Variants in MBOAT1 observed in about 807,000 individuals in gnomAD.
MBOAT1 encodes the protein membrane-bound glycerophospholipid O-acyltransferase 1.
A neutral mutation model predicts 64.4 loss-of-function variants in MBOAT1; 67 were observed. The observed-to-expected ratio is 1.04, with a 90% confidence interval of 0.85 to 1.27. MBOAT1 has a LOEUF of 1.27. Among genes scored for constraint, MBOAT1 ranks in the 50% most tolerant of loss-of-function variants. The pLI is 0.00. For missense variants in MBOAT1, 563 were observed against 604.6 expected (o/e 0.93, Z 0.72); for synonymous variants, 229 against 218.9 (o/e 1.05, Z -0.41).
intron 3 of MBOAT1, 59 bp from the exon 4 acceptor site, chr6:20,144,374 A>G: frequency 1.9e-6 from 2 of 1,075,700 alleles, no homozygotes; most frequent in East Asian, 2.4e-5. Context: ...CACTCAATTA[A>G]TGTTCCCCTC....
chr6:20,155,545 C>T (rs1188263613), intron 1 of MBOAT1, among the ~76,000 whole-genome samples: 1 of 152,174 alleles, frequency 6.6e-6, no homozygotes, highest in Non-Finnish European at 1.5e-5. Context: ...AATATCTCTT[C>T]CAGGTCTAAT....
chr6:20,117,931 G>A (rs898301678), intron 9 of MBOAT1, among the ~76,000 whole-genome samples: 1 of 152,190 alleles, frequency 6.6e-6, no homozygotes, highest in Admixed American at 6.5e-5. Context: ...GTGCAAGAAT[G>A]AAGACAGAGA....
rs563721492 is a variant in MBOAT1 at position 20,155,181 on chromosome 6, G to A, written c.100-2412C>T. 2.6e-4 allele frequency among the ~76,000 whole-genome samples: 39 copies of A among 152,256 alleles called. 1 individual carries two copies. The highest frequency in any genetic ancestry group is 3.4e-3 in the Middle Eastern group (1 of 294). ...TAGTCCCCCGACCAACAGCATCCAC[G>A]TCCCCTTGGAAACTTGTTAGAAATG... On this transcript the variant is annotated intron_variant, in intron 1 of 12. Transcript: ENST00000324607.
chr6:20,196,794 G>A (rs1438775937), intron 1 of MBOAT1, among the ~76,000 whole-genome samples: 2 of 152,006 alleles, frequency 1.3e-5, no homozygotes, highest in South Asian at 2.1e-4. Flanking sequence ...CCAGGAGGTG[G>A]AGGTTGCAGT....
chr6:20,102,943 A>G (rs2113619930), intron 12 of MBOAT1, among the ~76,000 whole-genome samples: 1 of 152,322 alleles, frequency 6.6e-6, no homozygotes, highest in African/African-American at 2.4e-5. Context: ...GGAGTAAACA[A>G]TAGTATGCTG....
At chr6:20,134,827 C>A (rs1277520789) in intron 4 of MBOAT1, among the ~76,000 whole-genome samples, 1 of 149,848 alleles carries the variant, frequency 6.7e-6, no homozygotes, top group Non-Finnish European at 1.5e-5. Flanking sequence ...ACTTAAGTAT[C>A]ATCTATGTCA....
intron 8 of MBOAT1, 88 bp from the exon 9 acceptor site, chr6:20,118,628 G>C: frequency 9.4e-7 from 1 of 1,063,656 alleles, no homozygotes. Context: ...CTAGCTTCAA[G>C]ATGGAGAAAT....
At chr6:20,205,333 G>A (rs1252550141) in intron 1 of MBOAT1, among the ~76,000 whole-genome samples, 4 of 152,200 alleles carry the variant, frequency 2.6e-5, no homozygotes, top group Admixed American at 1.3e-4. Context: ...TGCTGAGAGC[G>A]TAAGCATTCA....
intron 1 of MBOAT1, among the ~76,000 whole-genome samples, chr6:20,182,427 C>T (rs1397054587): frequency 6.6e-6 from 1 of 152,168 alleles, no homozygotes. Flanking sequence ...AGGACACAAA[C>T]ATTCAGACCA....
intron 8 of MBOAT1, among the ~76,000 whole-genome samples, chr6:20,120,189 GAGA>G (rs1561749783): frequency 1.3e-5 from 2 of 151,748 alleles, no homozygotes; most frequent in African/African-American, 4.9e-5. Flanking sequence ...ACGGGCCTAG[GAGA>G]AGAATCATCT....
chr6:20,102,837 A>T (rs765377645), intron 12 of MBOAT1, among the ~76,000 whole-genome samples: 86 of 152,212 alleles, frequency 5.7e-4, no homozygotes, highest in Non-Finnish European at 2.9e-4. Context: ...GCCCCATAAG[A>T]TTATAATAGA....
chr6:20,131,665 G>A (rs1309244169), intron 4 of MBOAT1, among the ~76,000 whole-genome samples: 1 of 152,138 alleles, frequency 6.6e-6, no homozygotes, highest in Non-Finnish European at 1.5e-5. Context: ...CTGGATGGTG[G>A]TTTTTTCATC....
intron 1 of MBOAT1, among the ~76,000 whole-genome samples, chr6:20,198,321 A>C (rs936273775): frequency 1.3e-5 from 2 of 152,214 alleles, no homozygotes; most frequent in African/African-American, 4.8e-5. Flanking sequence ...ATCTTCTAAA[A>C]TCCTGCAAGT....
At chr6:20,202,771 C>G (rs546703866) in intron 1 of MBOAT1, among the ~76,000 whole-genome samples, 87 of 152,294 alleles carry the variant, frequency 5.7e-4, no homozygotes, top group Non-Finnish European at 9.4e-4. Flanking sequence ...ACTGACGACT[C>G]TCTATCCTTG....
At position 20,149,676 on chromosome 6, in the gene MBOAT1, C is replaced by T. The variant is rs76616928; in HGVS notation, c.323+1509G>A. On this transcript the variant is annotated intron_variant, in intron 3 of 12. Coordinates refer to ENST00000324607, the MANE Select transcript of MBOAT1 (RefSeq NM_001080480.3). Reference sequence around the variant, plus strand: ...ACTGAGAAGAGAGATGATTAGAATTCGAATTTTCAGAGCTCCTTTGGATTC... The same window carrying T: ...ACTGAGAAGAGAGATGATTAGAATTTGAATTTTCAGAGCTCCTTTGGATTC... 2.9e-3 allele frequency among the ~76,000 whole-genome samples: 443 copies of T among 152,156 alleles called. 3 individuals are homozygous for T. The highest frequency in any genetic ancestry group is 9.9e-3 in the African/African-American group (410 of 41,498).
intron 12 of MBOAT1, among the ~76,000 whole-genome samples, chr6:20,106,190 G>A (rs889536646): frequency 5.3e-5 from 8 of 152,290 alleles, no homozygotes; most frequent in South Asian, 4.1e-4. Context: ...TTATTTCTTC[G>A]CCAGATTCAG....
In MBOAT1 at chr6:20,144,366, C is replaced by G. The variant is rs775094380; in HGVS notation, c.324-51G>C. 2.6e-6 allele frequency: 3 copies of G among 1,138,788 alleles called. 1 individual carries two copies. The South Asian group carries it at 3.9e-5, about 15-fold the overall frequency. 70.5% of individuals were successfully genotyped at this position (1,138,788 alleles called of 1,614,324 possible). A position where few individuals can be genotyped will look rare whatever the true frequency, so the allele number is the denominator to read the frequency against. ...GATTATTATGCATAGCAATAATGCA[C>G]TCAATTAATGTTCCCCTCTTCCTCT... is the stretch of plus-strand genomic sequence containing the variant. On this transcript the variant is annotated intron_variant, in intron 3 of 12. Coordinates refer to ENST00000324607, the MANE Select transcript of MBOAT1 (RefSeq NM_001080480.3).
chr6:20,185,529 G>A (rs1323222302), intron 1 of MBOAT1, among the ~76,000 whole-genome samples: 1 of 152,162 alleles, frequency 6.6e-6, no homozygotes, highest in African/African-American at 2.4e-5. Flanking sequence ...CTTTGAACTT[G>A]AACTTCAAAT....
intron 1 of MBOAT1, among the ~76,000 whole-genome samples, chr6:20,198,730 G>C (rs1383462987): frequency 1.3e-5 from 2 of 152,160 alleles, no homozygotes; most frequent in African/African-American, 2.4e-5. Flanking sequence ...AAGTATACAA[G>C]AGGTTTTTCA....
Sources: gnomAD v4.1 joint callset for allele counts (sites outside exome capture counted in the v4.1 genomes callset) on GRCh38, gnomAD v4.1.1 for gene constraint, MANE v1.5 for transcripts, NCBI Gene and HGNC (gene_info 2026-07-23, HGNC 2026-07-21) for gene names.